ADAMTS2: variants seen among roughly 807,000 people sequenced by gnomAD.
ADAMTS2 encodes the protein A disintegrin and metalloproteinase with thrombospondin motifs 2.
Under a neutral mutation model 123.0 loss-of-function variants are expected in ADAMTS2, and 50 were observed. That is an observed-to-expected ratio of 0.41 (90% confidence interval 0.32 to 0.51). The LOEUF is 0.51. Ranked by LOEUF, ADAMTS2 falls within the 20% of genes least tolerant of loss-of-function variation. ADAMTS2 has a pLI of 0.35. For missense variants in ADAMTS2, 1,494 were observed against 1,705.2 expected (o/e 0.88, Z 2.18); for synonymous variants, 678 against 695.4 (o/e 0.98, Z 0.39).
Position 179,345,116 on chromosome 5 carries a change from A to AG in ADAMTS2, c.139+73dup. 1 of 1,005,692 alleles carries AG rather than the reference A, an allele frequency of 9.9e-7. No individual in the cohort carries two copies. Among genetic ancestry groups the AG allele is most frequent in the Non-Finnish European group, 1.2e-6 (1 of 832,564 alleles). 62.3% of individuals were successfully genotyped at this position (1,005,692 alleles called of 1,614,324 possible). A position where few individuals can be genotyped will look rare whatever the true frequency, so the allele number is the denominator to read the frequency against. ...AAGTCAGGCTGGACGACGCCTGGGGAGGGGGCGGCGGGGCACGCGGGACAG... is the reference window on the plus strand; with the variant it reads ...AAGTCAGGCTGGACGACGCCTGGGGAGGGGGGCGGCGGGGCACGCGGGACAG... On this transcript the variant is annotated intron_variant, in intron 1 of 21. Coordinates refer to ENST00000251582, the MANE Select transcript of ADAMTS2 (RefSeq NM_014244.5). This position sits in a 1 kb window ranked among gnomAD's most constrained non-coding sequence, Gnocchi z 7.5.
chr5:179,216,566 C>T (rs1472507784), intron 3 of ADAMTS2, among the ~76,000 whole-genome samples: 1 of 152,180 alleles, frequency 6.6e-6, no homozygotes, highest in Non-Finnish European at 1.5e-5. Flanking sequence ...TGTGCTGAGC[C>T]CAAGACTTCC....
chr5:179,149,425 G>C (rs1763309684), intron 10 of ADAMTS2, among the ~76,000 whole-genome samples: 2 of 152,246 alleles, frequency 1.3e-5, no homozygotes, highest in Non-Finnish European at 1.5e-5. Flanking sequence ...TTCTGTTAGA[G>C]CAGCCGAAGC....
chr5:179,288,283 C>T (rs914747483), intron 2 of ADAMTS2, among the ~76,000 whole-genome samples: 1 of 152,240 alleles, frequency 6.6e-6, no homozygotes, highest in Admixed American at 6.5e-5. Flanking sequence ...GACCGCCGAC[C>T]GTCCTCTGCC....
At chr5:179,223,651 C>A (rs1207983068) in intron 3 of ADAMTS2, among the ~76,000 whole-genome samples, 1 of 147,006 alleles carries the variant, frequency 6.8e-6, no homozygotes, top group Non-Finnish European at 1.5e-5. Flanking sequence ...CACACATACA[C>A]TCACAGACGC....
At chr5:179,240,660 C>T (rs78874772) in intron 3 of ADAMTS2, among the ~76,000 whole-genome samples, 3,601 of 152,290 alleles carry the variant, frequency 0.024, 136 homozygotes, top group African/African-American at 0.08. Context: ...TGGTCGACCT[C>T]ATGGGAAATT....
At chr5:179,331,160 C>T (rs34839395) in intron 2 of ADAMTS2, among the ~76,000 whole-genome samples, 25,123 of 149,828 alleles carry the variant, frequency 0.17, 2,178 homozygotes, top group South Asian at 0.36. Context: ...GTGCAGCTGA[C>T]GACGAAGGGC....
chr5:179,215,011 C>T (rs1764947643), intron 3 of ADAMTS2, among the ~76,000 whole-genome samples: 1 of 152,146 alleles, frequency 6.6e-6, no homozygotes, highest in African/African-American at 2.4e-5. Context: ...CGGAAGACCA[C>T]ACCAGACAGA....
chr5:179,329,326 C>CA (rs79153534), intron 2 of ADAMTS2, among the ~76,000 whole-genome samples: 952 of 85,246 alleles, frequency 0.011, 4 homozygotes, highest in Middle Eastern at 0.032. Flanking sequence ...GACTCCGTCT[C>CA]AAAAAAAAAA....
At chr5:179,198,313 G>C (rs945584531) in intron 4 of ADAMTS2, among the ~76,000 whole-genome samples, 1 of 152,226 alleles carries the variant, frequency 6.6e-6, no homozygotes, top group Admixed American at 6.5e-5. Flanking sequence ...GACGGGGCTG[G>C]GGGGCCAGCA....
At position 179,195,125 on chromosome 5, in the gene ADAMTS2, C is replaced by G. The variant is rs1764394989; in HGVS notation, c.891+12388G>C. On this transcript the variant is annotated intron_variant, in intron 4 of 21. Coordinates refer to ENST00000251582, the MANE Select transcript of ADAMTS2 (RefSeq NM_014244.5). ...ATGAACCAAGGTGTAATCACGTGTC[C>G]TGATCCCGCTCCCCATACTCCTGTG... Among the ~76,000 whole-genome samples, 3 of 152,236 alleles carry G rather than the reference C, an allele frequency of 2.0e-5. No homozygotes were observed. The South Asian group carries it at 6.2e-4, about 31-fold the overall frequency.
chr5:179,311,505 G>T (rs1268899673), intron 2 of ADAMTS2, among the ~76,000 whole-genome samples: 1 of 152,312 alleles, frequency 6.6e-6, no homozygotes, highest in Non-Finnish European at 1.5e-5. Context: ...CCAAACTTTA[G>T]TCCAGCTCCT....
intron 2 of ADAMTS2, among the ~76,000 whole-genome samples, chr5:179,322,615 T>C (rs1025968701): frequency 2.6e-5 from 4 of 151,846 alleles, no homozygotes; most frequent in Admixed American, 2.6e-4. Flanking sequence ...AGCCACAGAG[T>C]CAGGGAAGCC....
Position 179,181,125 on chromosome 5 carries a change from C to T in ADAMTS2, c.922G>A (p.Gly308Ser). 1 of 1,613,956 alleles carries T rather than the reference C, an allele frequency of 6.2e-7. No homozygotes were observed. Among genetic ancestry groups the T allele is most frequent in the Non-Finnish European group, 8.5e-7 (1 of 1,179,956 alleles). The change falls in exon 5 of 22, where the codon GGT (glycine) becomes AGT (serine). Residue 308 changes from glycine (G) to serine (S), a missense_variant. This residue lies in a region of ADAMTS2 where 70 missense variants were observed against 85.3 expected (regional missense o/e 0.82). Transcript: ENST00000251582. This position sits in a 1 kb window ranked among gnomAD's most constrained non-coding sequence, Gnocchi z 4.1. ...VNEIYHDESL[G>S]AHINVVLVRI... ...ACCAGGACCACGTTGATGTGGGCAC[C>T]CAAGGACTCGTCATGGTAGATTTCA...
intron 2 of ADAMTS2, among the ~76,000 whole-genome samples, chr5:179,274,205 C>T (rs1766629054): frequency 6.6e-6 from 1 of 152,176 alleles, no homozygotes; most frequent in Admixed American, 6.5e-5. Flanking sequence ...CCAGCTCCTA[C>T]ACTTTTATCT....
intron 3 of ADAMTS2, among the ~76,000 whole-genome samples, chr5:179,263,862 G>A (rs1214242885): frequency 6.6e-6 from 1 of 152,232 alleles, no homozygotes; most frequent in African/African-American, 2.4e-5. Flanking sequence ...AGGGCCCAGA[G>A]CACAGCGCTG....
chr5:179,210,885 G>C (rs1192839174), intron 3 of ADAMTS2, among the ~76,000 whole-genome samples: 2 of 152,222 alleles, frequency 1.3e-5, no homozygotes, highest in African/African-American at 4.8e-5. Context: ...AATCACGAGT[G>C]CCACCTCAGT....
In ADAMTS2 at chr5:179,132,759, G is replaced by C. The variant is rs768688127; in HGVS notation, c.2209+18C>G. The C allele has an allele frequency of 1.2e-6, 2 of 1,613,884 alleles. No homozygotes were observed. Among genetic ancestry groups the C allele is most frequent in the Non-Finnish European group, 1.7e-6 (2 of 1,179,976 alleles). On this transcript the variant is annotated intron_variant, in intron 14 of 21. Coordinates refer to ENST00000251582, the MANE Select transcript of ADAMTS2 (RefSeq NM_014244.5). This position sits in a 1 kb window ranked among gnomAD's most constrained non-coding sequence, Gnocchi z 6.1. ...GCAGGCATCCAGGCTCCAGGGTGGAGAGCAGGGACCCACTCACCATGCTTC... is the reference window on the plus strand; with the variant it reads ...GCAGGCATCCAGGCTCCAGGGTGGACAGCAGGGACCCACTCACCATGCTTC...
chr5:179,111,680 C>T lies in ADAMTS2; in HGVS notation c.*2187G>A, dbSNP rs1015372859. On this transcript the variant is annotated 3_prime_UTR_variant, in exon 22 of 22. Coordinates refer to ENST00000251582, the MANE Select transcript of ADAMTS2 (RefSeq NM_014244.5). ...GGAATGGAGTGTTCCCATCCAGAGGCCCCTAGGCTGGGTAAACCGAGTCAT... is the reference window on the plus strand; with the variant it reads ...GGAATGGAGTGTTCCCATCCAGAGGTCCCTAGGCTGGGTAAACCGAGTCAT... The T allele has an allele frequency of 6.6e-6, 1 of 152,280 alleles. No individual in the cohort carries two copies. Among genetic ancestry groups the T allele is most frequent in the Non-Finnish European group, 1.5e-5 (1 of 68,064 alleles). 9.4% of individuals were successfully genotyped at this position (152,280 alleles called of 1,614,324 possible). A position where few individuals can be genotyped will look rare whatever the true frequency, so the allele number is the denominator to read the frequency against.
intron 2 of ADAMTS2, among the ~76,000 whole-genome samples, chr5:179,309,511 C>T (rs2113572559): frequency 6.6e-6 from 1 of 152,312 alleles, no homozygotes; most frequent in East Asian, 1.9e-4. Context: ...AATCCCAGCA[C>T]TTTGGGAGGC....
Sources: allele counts gnomAD v4.1 joint callset (sites outside exome capture counted in the v4.1 genomes callset), GRCh38; gene constraint gnomAD v4.1.1; regional missense constraint gnomAD v4.1.1; non-coding constraint Gnocchi (gnomAD v3.1); transcripts MANE v1.5; gene names NCBI Gene and HGNC (gene_info 2026-07-23, HGNC 2026-07-21).